Variants in GNAI2 observed in about 807,000 individuals in gnomAD.
GNAI2 encodes the protein G protein subunit alpha i2.
In GNAI2, 4 loss-of-function variants were observed where a neutral mutation model predicts 36.8. The ratio of observed to expected loss-of-function variants is 0.11; its 90% CI spans 0.05 to 0.25. GNAI2 has a LOEUF of 0.25. GNAI2 is among the 10% of genes least tolerant of loss of function. The pLI, the probability that GNAI2 is intolerant of heterozygous loss-of-function variation, is 1.00. For synonymous variants in GNAI2, 194 were observed against 194.1 expected, an observed-to-expected ratio of 1.00 and a Z score of 0.01; for missense variants, 230 against 481.3, an observed-to-expected ratio of 0.48 and a Z score of 4.89.
Position 50,230,999 on chromosome 3 carries a change from G to C in GNAI2, c.-39+1G>C, listed in dbSNP as rs1049452741. The stretch of plus-strand genomic sequence containing the variant: ...AGCTGACTCAGCTGCAAAGCAAGGG[G>C]TTTGTTTCTTCAGCTCTCAGCCTTA... On this transcript the variant is annotated splice_donor_variant, in intron 1 of 8. Transcript: ENST00000266027. LOFTEE classifies it low-confidence loss of function (5UTR_SPLICE). The C allele has an allele frequency of 1.0e-6, 1 of 980,536 alleles. No homozygotes were observed. The highest frequency in any genetic ancestry group is 1.8e-5 in the African/African-American group (1 of 57,138). The allele number at this position is 980,536 out of a possible 1,614,324, so 60.7% of individuals were successfully genotyped here.
At chr3:50,239,088 G>T (rs1430928175) in intron 1 of GNAI2, among the ~76,000 whole-genome samples, 1 of 152,206 alleles carries the variant, frequency 6.6e-6, no homozygotes, top group Non-Finnish European at 1.5e-5. Flanking sequence ...CTCCTACCCA[G>T]CTCAACGTGA....
chr3:50,249,508 G>A (rs917922390), intron 1 of GNAI2, among the ~76,000 whole-genome samples: 11 of 152,034 alleles, frequency 7.2e-5, no homozygotes, highest in Admixed American at 5.2e-4. Flanking sequence ...TATATATCCC[G>A]GTACACACCC....
chr3:50,237,932 C>T (rs1451062712), intron 1 of GNAI2, among the ~76,000 whole-genome samples: 6 of 152,218 alleles, frequency 3.9e-5, no homozygotes. Flanking sequence ...GCATGTATGT[C>T]CATTATGGGC....
chr3:50,252,558 C>T lies in GNAI2; in HGVS notation c.303+20C>T. ...AGAGCGGTATGTGCCCTCCGCCCCA[C>T]CCTCTCCCACCTCCCAAAAGGTTTC... On this transcript the variant is annotated intron_variant, in intron 3 of 8. Transcript: ENST00000313601. The surrounding 1 kb of genome is among the most constrained non-coding windows in gnomAD (Gnocchi z 4.1). 1.2e-6 allele frequency: 2 copies of T among 1,600,094 alleles called. No homozygotes were observed. Among genetic ancestry groups the T allele is most frequent in the Non-Finnish European group, 1.7e-6 (2 of 1,170,092 alleles).
intron 1 of GNAI2, among the ~76,000 whole-genome samples, chr3:50,250,044 C>G (rs1040569057): frequency 6.6e-6 from 1 of 152,180 alleles, no homozygotes; most frequent in Non-Finnish European, 1.5e-5. Flanking sequence ...AGGGACTGCA[C>G]GGTGGGCAAG....
At position 50,258,961 on chromosome 3, in the gene GNAI2, C is replaced by A. The variant is rs782289340; in HGVS notation, c.*618C>A. 6.7e-6 allele frequency: 3 copies of A among 450,968 alleles called. No homozygotes were observed. Among genetic ancestry groups the A allele is most frequent in the South Asian group, 3.2e-5 (2 of 63,244 alleles). The allele number at this position is 450,968 out of a possible 1,614,324, so 27.9% of individuals were successfully genotyped here. On this transcript the variant is annotated 3_prime_UTR_variant, in exon 9 of 9. Transcript: ENST00000313601. The stretch of plus-strand genomic sequence containing the variant: ...GAAAAACTATTTAAAACTGTCAGAT[C>A]CTGACCAGCAAGCCCCCCCCCAGCC...
At chr3:50,227,317 A>G, upstream of GNAI2, 1 of 484,014 alleles carries the variant, frequency 2.1e-6, no homozygotes, top group South Asian at 5.2e-5. The surrounding 1 kb of genome is among the most constrained non-coding windows in gnomAD (Gnocchi z 5.9). Context: ...AGCTCTGCGG[A>G]GACCGGGCCT....
At chr3:50,243,257 G>T (rs1402485713) in intron 1 of GNAI2, among the ~76,000 whole-genome samples, 6 of 152,252 alleles carry the variant, frequency 3.9e-5, no homozygotes. Context: ...TCCCAGAGAA[G>T]GTGGTGCCTT....
upstream of GNAI2, chr3:50,227,201 G>A (rs1369277442): frequency 1.4e-6 from 2 of 1,413,552 alleles, no homozygotes; most frequent in Non-Finnish European, 1.9e-6. This position sits in a 1 kb window ranked among gnomAD's most constrained non-coding sequence, Gnocchi z 5.9. Flanking sequence ...AGGGTAAGCC[G>A]ATGGCGGCTA....
chr3:50,233,550 A>G (rs1266403296), upstream of GNAI2, among the ~76,000 whole-genome samples: 14 of 152,228 alleles, frequency 9.2e-5, no homozygotes, highest in African/African-American at 2.9e-4. Flanking sequence ...ATTCTTGGCC[A>G]TGTGTACCCA....
At chr3:50,257,127 G>T in intron 7 of GNAI2, 37 bp downstream of exon 7, 1 of 1,594,946 alleles carries the variant, frequency 6.3e-7, no homozygotes, top group Non-Finnish European at 8.6e-7. Context: ...CCAGAGGGTT[G>T]CTTCTTGTCC....
At chr3:50,229,878 T>C (rs1700042781), upstream of GNAI2, 1 of 152,378 alleles carries the variant, frequency 6.6e-6, no homozygotes, top group African/African-American at 2.4e-5. Flanking sequence ...CTGCCTCTTT[T>C]ACCATAGGGT....
At chr3:50,230,746 C>A, upstream of GNAI2, 2 of 926,294 alleles carry the variant, frequency 2.2e-6, no homozygotes, top group Non-Finnish European at 2.6e-6. Flanking sequence ...CTGCTGATGT[C>A]ATTCCATTGT....
intron 4 of GNAI2, among the ~76,000 whole-genome samples, chr3:50,254,482 T>C (rs1700642216): frequency 6.6e-6 from 1 of 152,144 alleles, no homozygotes; most frequent in African/African-American, 2.4e-5. Flanking sequence ...TCCTGAGCCC[T>C]GTCCAAGCCA....
At chr3:50,233,755 G>C (rs1031909610), upstream of GNAI2, among the ~76,000 whole-genome samples, 1 of 152,142 alleles carries the variant, frequency 6.6e-6, no homozygotes, top group Non-Finnish European at 1.5e-5. Context: ...CAGGAGGGGG[G>C]CCTGAGGGAG....
chr3:50,251,002 G>T (rs1553702370), intron 1 of GNAI2, among the ~76,000 whole-genome samples: 2 of 152,086 alleles, frequency 1.3e-5, no homozygotes, highest in South Asian at 4.2e-4. Context: ...GAAGAGATGG[G>T]GTTTCAACAT....
In GNAI2 at chr3:50,256,710, T is replaced by A. The variant is rs1553703222; in HGVS notation, c.594-13T>A. 1.5e-5 allele frequency: 24 copies of A among 1,613,410 alleles called. No individual in the cohort carries two copies. Among genetic ancestry groups the A allele is most frequent in the Non-Finnish European group, 2.0e-5 (24 of 1,179,528 alleles). On this transcript the variant is annotated splice_polypyrimidine_tract_variant and intron_variant, in intron 5 of 8. Transcript: ENST00000313601. The stretch of plus-strand genomic sequence containing the variant: ...GGCTCCCTTCCTGGAACTAAGGTGA[T>A]CTATATCTGCAGGATGTTTGATGTG...
At position 50,257,515 on chromosome 3, in the gene GNAI2, A is replaced by T. The variant is rs1553703427; in HGVS notation, c.893A>T (p.Asp298Val). The T allele has an allele frequency of 6.4e-7, 1 of 1,563,630 alleles. No individual in the cohort carries two copies. Among genetic ancestry groups the T allele is most frequent in the Admixed American group, 1.9e-5 (1 of 53,166 alleles). Residue 298 changes from aspartate to valine, a missense_variant, in exon 8 of 9, where the codon GAT becomes GTT. Transcript: ENST00000313601. Reference protein sequence around the residue: ...FPEYTGANKYDEAASYIQSKF... With the variant: ...FPEYTGANKYVEAASYIQSKF... ...TCTCCCCCAGGGGCCAACAAATATG[A>T]TGAGGCAGCCAGCTACATCCAGAGT...
rs1700579042 is a variant in GNAI2 at position 50,252,320 on chromosome 3, G to T, written c.162-77G>T. On this transcript the variant is annotated intron_variant, in intron 2 of 8. Coordinates refer to ENST00000313601, the MANE Select transcript of GNAI2 (RefSeq NM_002070.4). This position sits in a 1 kb window ranked among gnomAD's most constrained non-coding sequence, Gnocchi z 4.1. ...GGGCAGTTTTCCCTTCTCTGAAGCA[G>T]GTCCCAGTAGCCCCAGGCAGCCGTG... The T allele has an allele frequency of 6.6e-7, 1 of 1,522,978 alleles. No individual in the cohort carries two copies. The highest frequency in any genetic ancestry group is 1.1e-5 in the South Asian group (1 of 88,746). The allele number at this position is 1,522,978 out of a possible 1,614,324, so 94.3% of individuals were successfully genotyped here.
Sources: allele counts gnomAD v4.1 joint callset (sites outside exome capture counted in the v4.1 genomes callset), GRCh38; gene constraint gnomAD v4.1.1; non-coding constraint Gnocchi (gnomAD v3.1); transcripts MANE v1.5; gene names NCBI Gene and HGNC (gene_info 2026-07-23, HGNC 2026-07-21).